Variants in ANKRD23 observed in about 807,000 individuals in gnomAD.
ANKRD23 encodes ankyrin repeat domain-containing protein 23.
A neutral mutation model predicts 38.1 loss-of-function variants in ANKRD23; 52 were observed. The ratio of observed to expected loss-of-function variants is 1.36; its 90% confidence interval spans 1.09 to 1.72. The LOEUF (loss-of-function observed/expected upper bound fraction) is 1.72, where lower values mean the gene tolerates loss of function less well. Ranked by LOEUF, ANKRD23 falls within the 40% of genes most tolerant of loss-of-function variation. The pLI is 0.00. For missense variants in ANKRD23, 416 were observed against 400.2 expected (o/e 1.04, Z -0.34); for synonymous variants, 167 against 162.9 (o/e 1.03, Z -0.19).
In ANKRD23 at chr2:96,839,532, G is replaced by T. The variant is rs757242343; in HGVS notation, c.*17C>A. ...ATGGTGGCAGTGCGAAAGGCGCGGC[G>T]GGGGGCGGTGCTGCGGTCAGCACCG... is the stretch of plus-strand genomic sequence containing the variant. On this transcript the variant is annotated 3_prime_UTR_variant, in exon 9 of 9. Transcript: ENST00000318357. 23 of 1,427,910 alleles carry T rather than the reference G, an allele frequency of 1.6e-5. No homozygotes were observed. Among genetic ancestry groups the T allele is most frequent in the Non-Finnish European group, 1.8e-5 (20 of 1,095,954 alleles). The allele number at this position is 1,427,910 out of a possible 1,614,324, so 88.5% of individuals were successfully genotyped here.
chr2:96,839,584 G>T lies in ANKRD23; in HGVS notation c.883C>A (p.Gln295Lys). 1 of 1,479,950 alleles carries T rather than the reference G, an allele frequency of 6.8e-7. No individual in the cohort carries two copies. 91.7% of individuals were successfully genotyped at this position (1,479,950 alleles called of 1,614,324 possible). A position where few individuals can be genotyped will look rare whatever the true frequency, so the allele number is the denominator to read the frequency against. Residue 295 changes from glutamine (Q) to lysine (K), a missense_variant, in exon 9 of 9, where the codon CAG (glutamine) becomes AAG (lysine). By Grantham distance (53) the Gln-to-Lys change is moderately conservative. Transcript: ENST00000318357. The stretch of plus-strand genomic sequence containing the variant: ...GTGCGGGGATGCGCCACGTGGGCCT[G>T]CAGGGCCTCCCGGATGCCGCGCTGC... ...DWQRGIREAL[Q>K]AHVAHPRTRC
At chr2:96,840,378 G>C (rs1410579540) in intron 5 of ANKRD23, 38 bp downstream of exon 5, 7 of 1,611,162 alleles carry the variant, frequency 4.3e-6, no homozygotes, top group Non-Finnish European at 5.1e-6. Flanking sequence ...ATGTGAAGCT[G>C]GGCGTCGACC....
intron 2 of ANKRD23, 66 bp downstream of exon 2, chr2:96,842,299 C>T: frequency 6.2e-7 from 1 of 1,604,780 alleles, no homozygotes; most frequent in Non-Finnish European, 8.5e-7. Context: ...CCCTCCAGGC[C>T]TCACTGCTCA....
At position 96,842,513 on chromosome 2, in the gene ANKRD23, T is replaced by TG; in HGVS notation, c.28-3dup. 6.2e-7 allele frequency: 1 copy of TG among 1,612,606 alleles called. No homozygotes were observed. The highest frequency in any genetic ancestry group is 8.5e-7 in the Non-Finnish European group (1 of 1,179,448). Reference sequence around the variant, plus strand: ...CCCTTCAACTCTTTCTCCACTTACCTGTAGGAACAGGATATGAGTACTGAG... The same window carrying TG: ...CCCTTCAACTCTTTCTCCACTTACCTGGTAGGAACAGGATATGAGTACTGAG... On this transcript the variant is annotated splice_region_variant and splice_polypyrimidine_tract_variant and intron_variant, in intron 1 of 8. Transcript: ENST00000318357.
At position 96,840,841 on chromosome 2, in the gene ANKRD23, C is replaced by T. The variant is rs2079752640; in HGVS notation, c.372G>A (p.Glu124=). The T allele has an allele frequency of 1.2e-6, 2 of 1,614,112 alleles. No individual in the cohort carries two copies. Among genetic ancestry groups the T allele is most frequent in the Non-Finnish European group, 1.7e-6 (2 of 1,180,046 alleles). Residue 124 remains glutamate (E), a synonymous_variant, in exon 4 of 9, where the codon GAG becomes GAA. Coordinates refer to ENST00000318357, the MANE Select transcript of ANKRD23 (RefSeq NM_144994.8). ...MFLKAAAENQ[E]YLIDKYLTDG... The stretch of plus-strand genomic sequence containing the variant: ...CTGTCAAGTACTTGTCAATCAGGTA[C>T]TCCTGGTTCTCAGCAGCTGCCTTCA...
chr2:96,842,032 A>G (rs370445494), intron 3 of ANKRD23, 28 bp downstream of exon 3: 2 of 1,612,974 alleles, frequency 1.2e-6, no homozygotes. Flanking sequence ...TGGTGTGTGC[A>G]CTGCCCTAAC....
chr2:96,838,478 T>TG lies in ANKRD23; in HGVS notation c.*1070dup, dbSNP rs57929237. Reference sequence around the variant, plus strand: ...GGAGCAGGGAAGGGATGGGAAGGGCTGGGGGGCGGCGGGGGCTCACCTTCC... The same window carrying TG: ...GGAGCAGGGAAGGGATGGGAAGGGCTGGGGGGGCGGCGGGGGCTCACCTTCC... On this transcript the variant is annotated 3_prime_UTR_variant, in exon 9 of 9. Transcript: ENST00000318357. 0.012 allele frequency: 11,467 copies of TG among 986,326 alleles called. 555 individuals are homozygous for TG. In the African/African-American group the frequency reaches 0.12, roughly 10 times the overall value. 61.1% of individuals were successfully genotyped at this position (986,326 alleles called of 1,614,324 possible).
At position 96,840,652 on chromosome 2, in the gene ANKRD23, G is replaced by A. The variant is rs2271781; in HGVS notation, c.426+135C>T. 8.5e-5 allele frequency: 128 copies of A among 1,510,242 alleles called. No individual in the cohort carries two copies. In the Admixed American group the frequency reaches 1.4e-3, roughly 16 times the overall value. The allele number at this position is 1,510,242 out of a possible 1,614,324, so 93.6% of individuals were successfully genotyped here. A position where few individuals can be genotyped will look rare whatever the true frequency, so the allele number is the denominator to read the frequency against. ...CGCGATGGGCCGCTCCCTCTCCTCCGTCTGCAGGTGCCACTGGATTCATGC... is the reference window on the plus strand; with the variant it reads ...CGCGATGGGCCGCTCCCTCTCCTCCATCTGCAGGTGCCACTGGATTCATGC... On this transcript the variant is annotated intron_variant, in intron 4 of 8. Coordinates refer to ENST00000318357, the MANE Select transcript of ANKRD23 (RefSeq NM_144994.8).
In ANKRD23 at chr2:96,838,373, A is replaced by G. The variant is rs1454897132; in HGVS notation, c.*1176T>C. On this transcript the variant is annotated 3_prime_UTR_variant, in exon 9 of 9. Transcript: ENST00000318357. ...TTAGGGGCCCAGCCCCACCAGCAGT[A>G]CAGGCCTACACCAGTGTAATTTGAA... is the stretch of plus-strand genomic sequence containing the variant. 2.0e-6 allele frequency: 2 copies of G among 988,094 alleles called. No individual in the cohort carries two copies. Among genetic ancestry groups the G allele is most frequent in the African/African-American group, 1.7e-5 (1 of 57,320 alleles). The allele number at this position is 988,094 out of a possible 1,614,324, so 61.2% of individuals were successfully genotyped here. A position where few individuals can be genotyped will look rare whatever the true frequency, so the allele number is the denominator to read the frequency against.
At chr2:96,839,848 A>C in intron 7 of ANKRD23, 23 bp from the exon 8 acceptor site, 1 of 1,605,502 alleles carries the variant, frequency 6.2e-7, no homozygotes, top group Non-Finnish European at 8.5e-7. Context: ...CAGGCAGTCA[A>C]GCTTCTGCCT....
rs560154973 is a variant in ANKRD23, at chr2:96,838,369, C to T, written c.*1180G>A. 2.0e-6 allele frequency: 2 copies of T among 988,144 alleles called. No homozygotes were observed. Among genetic ancestry groups the T allele is most frequent in the Admixed American group, 6.1e-5 (1 of 16,292 alleles). 61.2% of individuals were successfully genotyped at this position (988,144 alleles called of 1,614,324 possible). A position where few individuals can be genotyped will look rare whatever the true frequency, so the allele number is the denominator to read the frequency against. On this transcript the variant is annotated 3_prime_UTR_variant, in exon 9 of 9. Transcript: ENST00000318357. ...GCGTTTAGGGGCCCAGCCCCACCAG[C>T]AGTACAGGCCTACACCAGTGTAATT...
In ANKRD23 at chr2:96,839,456, T is replaced by C; in HGVS notation, c.*93A>G. ...AGGCCAGAGAGGGAGGAACCAGGGC[T>C]GAGGGCAGGAACCACAGAGGTGCAG... is the stretch of plus-strand genomic sequence containing the variant. On this transcript the variant is annotated 3_prime_UTR_variant, in exon 9 of 9. Transcript: ENST00000318357. 7.3e-7 allele frequency: 1 copy of C among 1,369,690 alleles called. No homozygotes were observed. Among genetic ancestry groups the C allele is most frequent in the South Asian group, 1.9e-5 (1 of 53,950 alleles). 84.8% of individuals were successfully genotyped at this position (1,369,690 alleles called of 1,614,324 possible).
intron 2 of ANKRD23, 72 bp downstream of exon 2, chr2:96,842,293 C>A: frequency 6.2e-7 from 1 of 1,604,524 alleles, no homozygotes; most frequent in South Asian, 1.1e-5. Context: ...CAGAGTCCCT[C>A]CAGGCCTCAC....
rs957006341 is a variant in ANKRD23 at position 96,838,588 on chromosome 2, G to C, written c.*961C>G. 5 of 985,738 alleles carry C rather than the reference G, an allele frequency of 5.1e-6. No homozygotes were observed. The highest frequency in any genetic ancestry group is 6.0e-6 in the Non-Finnish European group (5 of 830,226). The allele number at this position is 985,738 out of a possible 1,614,324, so 61.1% of individuals were successfully genotyped here. ...CAAGCAGGGTGGGTGCAGCTGCAGC[G>C]TTCCAGGCAAGAGCTCAAGCTCCAG... is the stretch of plus-strand genomic sequence containing the variant. On this transcript the variant is annotated 3_prime_UTR_variant, in exon 9 of 9. Transcript: ENST00000318357.
chr2:96,840,514 G>A lies in ANKRD23; in HGVS notation c.427C>T (p.Leu143Phe), dbSNP rs1270995551. ...DGGDPNAHDK[L>F]HRTALHWACL... ...GCCCAGTGCAAGGCGGTGCGGTGGA[G>A]CTGAGGGCAGAGATGGAAGATTAGG... Residue 143 changes from leucine to phenylalanine, a missense_variant and splice_region_variant, in exon 5 of 9, where the codon CTC becomes TTC. Leu to Phe is a conservative substitution (Grantham distance 22). Coordinates refer to ENST00000318357, the MANE Select transcript of ANKRD23 (RefSeq NM_144994.8). 9.9e-6 allele frequency: 16 copies of A among 1,613,566 alleles called. No homozygotes were observed. Among genetic ancestry groups the A allele is most frequent in the South Asian group, 1.1e-5 (1 of 91,068 alleles).
rs752796150 is a variant in ANKRD23, at chr2:96,843,996, C to A, written c.-4G>T. The A allele has an allele frequency of 6.3e-7, 1 of 1,599,874 alleles. No individual in the cohort carries two copies. Among genetic ancestry groups the A allele is most frequent in the East Asian group, 2.3e-5 (1 of 43,462 alleles). ...GCTGAATGCTGATGAAGTCCATGGT[C>A]CCCCCTGTTCCTCACACCCCCCAGT... On this transcript the variant is annotated 5_prime_UTR_variant, in exon 1 of 9. Coordinates refer to ENST00000318357, the MANE Select transcript of ANKRD23 (RefSeq NM_144994.8).
chr2:96,840,750 G>C (rs1452840338), intron 4 of ANKRD23, 37 bp downstream of exon 4: 1 of 1,612,508 alleles, frequency 6.2e-7, no homozygotes, highest in African/African-American at 1.3e-5. Flanking sequence ...TCCTGCAGCT[G>C]CAGCTGCTGC....
chr2:96,841,095 G>T, intron 3 of ANKRD23, 183 bp from the exon 4 acceptor site: 1 of 688,378 alleles, frequency 1.5e-6, no homozygotes, highest in Non-Finnish European at 2.3e-6. Flanking sequence ...GTGTGTGTGA[G>T]CGTGTGTGTT....
chr2:96,839,548 G>A lies in ANKRD23; in HGVS notation c.*1C>T. ...AGGCGCGGCGGGGGGCGGTGCTGCG[G>A]TCAGCACCGGGTGCGGGGATGCGCC... On this transcript the variant is annotated 3_prime_UTR_variant, in exon 9 of 9. Coordinates refer to ENST00000318357, the MANE Select transcript of ANKRD23 (RefSeq NM_144994.8). 6.9e-7 allele frequency: 1 copy of A among 1,448,732 alleles called. No homozygotes were observed. The allele number at this position is 1,448,732 out of a possible 1,614,324, so 89.7% of individuals were successfully genotyped here. A position where few individuals can be genotyped will look rare whatever the true frequency, so the allele number is the denominator to read the frequency against.
Sources: gnomAD v4.1 joint callset for allele counts on GRCh38, gnomAD v4.1.1 for gene constraint, MANE v1.5 for transcripts, NCBI Gene and HGNC (gene_info 2026-07-23, HGNC 2026-07-21) for gene names.